EPHX2: variants seen among roughly 807,000 people sequenced by gnomAD.
EPHX2 encodes the protein bifunctional epoxide hydrolase 2.
A neutral mutation model predicts 78.7 loss-of-function variants in EPHX2; 74 were observed. The ratio of observed to expected loss-of-function variants is 0.94; its 90% confidence interval spans 0.78 to 1.14. EPHX2 has a LOEUF of 1.14. Among genes scored for constraint, EPHX2 ranks in the 50% most tolerant of loss-of-function variants. The pLI, the probability that EPHX2 is intolerant of heterozygous loss-of-function variation, is 0.00. For synonymous variants in EPHX2, 251 were observed against 255.2 expected (o/e 0.98, Z 0.16); for missense variants, 715 against 702.5 (o/e 1.02, Z -0.20).
chr8:27,519,819 A>C lies in EPHX2; in HGVS notation c.946-1064A>C, dbSNP rs144433937. Among the ~76,000 whole-genome samples, 694 of 152,066 alleles carry C rather than the reference A, an allele frequency of 4.6e-3. 6 individuals carry two copies. The highest frequency in any genetic ancestry group is 0.016 in the African/African-American group (670 of 41,480). On this transcript the variant is annotated intron_variant, in intron 9 of 18. Transcript: ENST00000521400. Reference sequence around the variant, plus strand: ...GGCTCCTCTCCAGGATGGTGCTTACACCTGTCTTAGAGCAGGAACTCCATG... The same window carrying C: ...GGCTCCTCTCCAGGATGGTGCTTACCCCTGTCTTAGAGCAGGAACTCCATG...
intron 14 of EPHX2, chr8:27,539,009 G>A (rs1244320778): frequency 6.6e-6 from 2 of 304,584 alleles, no homozygotes; most frequent in East Asian, 6.5e-5. Flanking sequence ...ACCTCTATGG[G>A]GGTCACCTCG....
At chr8:27,541,163 A>G (rs991694979) in intron 15 of EPHX2, among the ~76,000 whole-genome samples, 2 of 152,124 alleles carry the variant, frequency 1.3e-5, no homozygotes, top group African/African-American at 4.8e-5. Context: ...CAACCTCCCC[A>G]GCCTCCAAGG....
intron 6 of EPHX2, among the ~76,000 whole-genome samples, chr8:27,514,328 C>A (rs1814371434): frequency 6.6e-6 from 1 of 152,210 alleles, no homozygotes; most frequent in African/African-American, 2.4e-5. Flanking sequence ...AAAAAAGAAA[C>A]TTCCAGTGTG....
rs571790056 is a variant in EPHX2, at chr8:27,496,703, TATC to T, written c.102-4220_102-4218del. On this transcript the variant is annotated intron_variant, in intron 1 of 18. Coordinates refer to ENST00000521400, the MANE Select transcript of EPHX2 (RefSeq NM_001979.6). ...CCTTGAACTTTTAAATGTCTAAAAATATCATGTAATCCTTTATGAGCTTCAGGC... is the reference window on the plus strand; with the variant it reads ...CCTTGAACTTTTAAATGTCTAAAAATATGTAATCCTTTATGAGCTTCAGGC... Among the ~76,000 whole-genome samples the T allele has an allele frequency of 5.4e-4, 82 of 152,308 alleles. 1 individual carries two copies. The highest frequency in any genetic ancestry group is 8.2e-4 in the Non-Finnish European group (56 of 68,022).
chr8:27,547,383 G>A (rs1003097242), downstream of EPHX2, among the ~76,000 whole-genome samples: 4 of 152,204 alleles, frequency 2.6e-5, no homozygotes, highest in Non-Finnish European at 5.9e-5. Flanking sequence ...ATGGCAAGGA[G>A]TGTGTTCAAA....
chr8:27,503,980 T>A (rs957722712), intron 3 of EPHX2, among the ~76,000 whole-genome samples: 2 of 152,204 alleles, frequency 1.3e-5, no homozygotes, highest in Non-Finnish European at 2.9e-5. Flanking sequence ...AATAAAGCAA[T>A]TGATGCCCAT....
chr8:27,507,012 C>A lies in EPHX2; in HGVS notation c.660+18C>A, dbSNP rs113014907. On this transcript the variant is annotated intron_variant, in intron 5 of 18. Coordinates refer to ENST00000521400, the MANE Select transcript of EPHX2 (RefSeq NM_001979.6). Reference sequence around the variant, plus strand: ...GAATCCAGGTAACTTGACTTCTGAGCGAGCCAAGCTTCCTGGACTCATCTG... The same window carrying A: ...GAATCCAGGTAACTTGACTTCTGAGAGAGCCAAGCTTCCTGGACTCATCTG... The A allele has an allele frequency of 2.0e-5, 32 of 1,612,296 alleles. No individual in the cohort carries two copies. The Middle Eastern group carries it at 5.5e-4, about 28-fold the overall frequency.
At chr8:27,501,722 A>C (rs2132717770) in intron 2 of EPHX2, among the ~76,000 whole-genome samples, 1 of 152,222 alleles carries the variant, frequency 6.6e-6, no homozygotes, top group East Asian at 1.9e-4. Context: ...CTATATTTTC[A>C]ATGAACATAC....
At position 27,544,521 on chromosome 8, in the gene EPHX2, A is replaced by G; in HGVS notation, c.1667A>G (p.Ter556TrpextTer39). ...ARNPPVVSKM[*>W] Reference sequence around the variant, plus strand: ...AACCCACCGGTGGTCTCAAAGATGTAGAACGCAGCGTGTGCCCACGCTCAG... The same window carrying G: ...AACCCACCGGTGGTCTCAAAGATGTGGAACGCAGCGTGTGCCCACGCTCAG... Residue 556 changes from the stop codon to tryptophan, a stop_lost, in exon 19 of 19, where the codon TAG becomes TGG. Coordinates refer to ENST00000521400, the MANE Select transcript of EPHX2 (RefSeq NM_001979.6). The G allele has an allele frequency of 6.2e-7, 1 of 1,613,578 alleles. No individual in the cohort carries two copies. Among genetic ancestry groups the G allele is most frequent in the Non-Finnish European group, 8.5e-7 (1 of 1,180,006 alleles).
At position 27,496,580 on chromosome 8, in the gene EPHX2, T is replaced by C. The variant is rs566966055; in HGVS notation, c.102-4346T>C. Among the ~76,000 whole-genome samples, 21 of 152,380 alleles carry C rather than the reference T, an allele frequency of 1.4e-4. 1 individual carries two copies. Among genetic ancestry groups the C allele is most frequent in the African/African-American group, 5.0e-4 (21 of 41,598 alleles). On this transcript the variant is annotated intron_variant, in intron 1 of 18. Coordinates refer to ENST00000521400, the MANE Select transcript of EPHX2 (RefSeq NM_001979.6). ...GGATATAGAGGAATTACTGCCTCAC[T>C]GATGAGTCTAAAATCTTGTACTAGT... is the stretch of plus-strand genomic sequence containing the variant.
At chr8:27,515,693 G>A in intron 6 of EPHX2, 25 bp from the exon 7 acceptor site, 1 of 1,607,706 alleles carries the variant, frequency 6.2e-7, no homozygotes, top group Non-Finnish European at 8.5e-7. Flanking sequence ...CTTGGTCGCT[G>A]CCCTCTCCTC....
At chr8:27,520,581 A>G (rs995013404) in intron 9 of EPHX2, among the ~76,000 whole-genome samples, 3 of 151,762 alleles carry the variant, frequency 2.0e-5, no homozygotes, top group African/African-American at 7.3e-5. Context: ...TCTTGACCTC[A>G]TGTTCTGCCC....
intron 9 of EPHX2, among the ~76,000 whole-genome samples, chr8:27,519,766 G>A (rs902472668): frequency 2.0e-5 from 3 of 152,114 alleles, no homozygotes; most frequent in Admixed American, 2.0e-4. Flanking sequence ...TCAAGGTCTC[G>A]GCCTCCGGTG....
chr8:27,546,025 C>A (rs1356351176), downstream of EPHX2, among the ~76,000 whole-genome samples: 2 of 151,078 alleles, frequency 1.3e-5, no homozygotes, highest in Non-Finnish European at 2.9e-5. Flanking sequence ...AGCCTGGATT[C>A]AGAAGCAGGC....
intron 11 of EPHX2, among the ~76,000 whole-genome samples, chr8:27,523,829 CA>C (rs1814732951): frequency 6.6e-6 from 1 of 151,976 alleles, no homozygotes; most frequent in African/African-American, 2.4e-5. Context: ...CTGGGTTCAC[CA>C]AAAAGTTACC....
chr8:27,510,001 C>T (rs1280349884), intron 5 of EPHX2, among the ~76,000 whole-genome samples: 1 of 152,198 alleles, frequency 6.6e-6, no homozygotes, highest in Non-Finnish European at 1.5e-5. Flanking sequence ...GGCTCCCGCC[C>T]GACCATGGGC....
At chr8:27,539,339 C>T (rs1403019269) in intron 14 of EPHX2, 2 of 152,276 alleles carry the variant, frequency 1.3e-5, no homozygotes, top group Non-Finnish European at 2.9e-5. Context: ...CTGTATAAAA[C>T]TCTGGACTAA....
chr8:27,515,396 ACAGCAT>A (rs1193332110), intron 6 of EPHX2: 1 of 333,952 alleles, frequency 3.0e-6, no homozygotes, highest in Non-Finnish European at 5.7e-6. Context: ...ACACATCACA[ACAGCAT>A]CAGAAACTGT....
At chr8:27,543,678 G>T in intron 16 of EPHX2, 71 bp from the exon 17 acceptor site, 3 of 1,504,554 alleles carry the variant, frequency 2.0e-6, no homozygotes, top group African/African-American at 2.7e-5. Context: ...GCGAGCAGGG[G>T]TCTTTCAGAG....
Sources: gnomAD v4.1 joint callset for allele counts (sites outside exome capture counted in the v4.1 genomes callset) on GRCh38, gnomAD v4.1.1 for gene constraint, MANE v1.5 for transcripts, NCBI Gene and HGNC (gene_info 2026-07-23, HGNC 2026-07-21) for gene names.